MYO16: variants seen among roughly 807,000 people sequenced by gnomAD.
MYO16 encodes the protein myosin XVI, also known as unconventional myosin-XVI.
A neutral mutation model predicts 205.3 loss-of-function variants in MYO16; 94 were observed. The observed-to-expected ratio is 0.46, with a 90% CI of 0.39 to 0.54. The LOEUF is 0.54. Among genes scored for constraint, MYO16 ranks in the 20% least tolerant of loss-of-function variants. The probability of loss-of-function intolerance (pLI) is 0.00; values close to 1 mark genes in which losing one functional copy is unlikely to be tolerated. For missense variants in MYO16, 2,315 were observed against 2,387.5 expected (o/e 0.97, Z 0.63); for synonymous variants, 988 against 954.0 (o/e 1.04, Z -0.66).
At chr13:108,677,779 T>C (rs933439323) in intron 2 of MYO16, among the ~76,000 whole-genome samples, 1 of 152,148 alleles carries the variant, frequency 6.6e-6, no homozygotes, top group East Asian at 1.9e-4. Context: ...CACCATCAAG[T>C]TTTGATTAAA....
chr13:109,115,814 A>G (rs1262649875), intron 28 of MYO16, among the ~76,000 whole-genome samples: 1 of 152,224 alleles, frequency 6.6e-6, no homozygotes, highest in Non-Finnish European at 1.5e-5. Flanking sequence ...TTAAATTTGT[A>G]TCTTCATTAA....
chr13:108,701,928 A>G (rs1014267941), intron 2 of MYO16, among the ~76,000 whole-genome samples: 3 of 152,214 alleles, frequency 2.0e-5, no homozygotes, highest in South Asian at 2.1e-4. Context: ...TTAAATATAC[A>G]TTAGCAGAAA....
chr13:108,721,343 A>G (rs1884154463), intron 3 of MYO16, among the ~76,000 whole-genome samples: 1 of 152,192 alleles, frequency 6.6e-6, no homozygotes, highest in Non-Finnish European at 1.5e-5. Flanking sequence ...GCCAGAATTT[A>G]ATATTTCAGA....
At chr13:108,667,445 T>A (rs1399174921) in intron 2 of MYO16, among the ~76,000 whole-genome samples, 1 of 151,978 alleles carries the variant, frequency 6.6e-6, no homozygotes, top group Non-Finnish European at 1.5e-5. Context: ...ATTCAGCCAT[T>A]GTATCATATT....
At chr13:108,814,655 C>T (rs1887394327) in intron 7 of MYO16, among the ~76,000 whole-genome samples, 2 of 152,274 alleles carry the variant, frequency 1.3e-5, no homozygotes, top group Admixed American at 1.3e-4. Flanking sequence ...CCTGCTATAA[C>T]ATGAATAAGT....
At chr13:109,033,790 G>A (rs1886621651) in intron 23 of MYO16, among the ~76,000 whole-genome samples, 1 of 152,170 alleles carries the variant, frequency 6.6e-6, no homozygotes, top group African/African-American at 2.4e-5. Context: ...AGGGCAGGAG[G>A]TGGAAGCCAC....
At chr13:109,015,759 A>T (rs563699205) in intron 22 of MYO16, among the ~76,000 whole-genome samples, 11 of 152,232 alleles carry the variant, frequency 7.2e-5, no homozygotes, top group African/African-American at 2.6e-4. Flanking sequence ...AGAGTTGTTT[A>T]TAGTATTCTC....
At chr13:108,788,896 T>C (rs1043915796) in intron 5 of MYO16, among the ~76,000 whole-genome samples, 1 of 152,218 alleles carries the variant, frequency 6.6e-6, no homozygotes, top group Non-Finnish European at 1.5e-5. Context: ...TACTTAGGTT[T>C]CCTTCGAATG....
At chr13:108,855,276 G>GTTTTTTTTTTTTTTTTTTTTTT (rs5806761) in intron 10 of MYO16, 167 bp from the exon 11 acceptor site, 1 of 310,988 alleles carries the variant, frequency 3.2e-6, no homozygotes. Context: ...TGGCTTTAGA[G>GTTTTTTTTTTTTTTTTTTTTTT]TTTTTTTTTT....
At chr13:108,789,005 C>A (rs1886538523) in intron 5 of MYO16, among the ~76,000 whole-genome samples, 1 of 152,142 alleles carries the variant, frequency 6.6e-6, no homozygotes, top group African/African-American at 2.4e-5. Context: ...GGTTGTCTCA[C>A]CCTTTTGCTT....
intron 16 of MYO16, among the ~76,000 whole-genome samples, chr13:108,945,140 C>T (rs114537231): frequency 0.033 from 5,016 of 152,208 alleles, 278 homozygotes; most frequent in African/African-American, 0.11. Context: ...TAACTTACTT[C>T]GATTTCTCAC....
chr13:109,192,803 A>G (rs374635724), intron 34 of MYO16, among the ~76,000 whole-genome samples: 2 of 152,224 alleles, frequency 1.3e-5, no homozygotes, highest in African/African-American at 4.8e-5. Flanking sequence ...TGAGCAAGAA[A>G]TATCCTTCTT....
intron 34 of MYO16, among the ~76,000 whole-genome samples, chr13:109,189,122 A>C (rs1048709164): frequency 3.9e-5 from 6 of 151,990 alleles, no homozygotes; most frequent in African/African-American, 1.4e-4. Context: ...AAAGAAGGAC[A>C]CATCCAGCAT....
At chr13:108,566,739 A>G in the MYO16 span, among the ~76,000 whole-genome samples, 228 of 7,790 alleles carry the variant, frequency 0.029, no homozygotes, top group African/African-American at 0.083. Flanking sequence ...GGAAGGGAGG[A>G]AGGAAGGAAG....
chr13:108,950,846 G>A (rs1209820648), intron 16 of MYO16, among the ~76,000 whole-genome samples: 1 of 152,178 alleles, frequency 6.6e-6, no homozygotes, highest in East Asian at 1.9e-4. Context: ...GTTAACACTG[G>A]AATACTGCTC....
intron 23 of MYO16, among the ~76,000 whole-genome samples, chr13:109,030,186 G>A (rs760348224): frequency 5.5e-5 from 8 of 146,412 alleles, no homozygotes; most frequent in African/African-American, 7.6e-5. Flanking sequence ...AAAAACTAGC[G>A]GATAGAATCA....
chr13:109,168,218 CTTTA>C (rs1051889206), intron 33 of MYO16, among the ~76,000 whole-genome samples: 3 of 151,878 alleles, frequency 2.0e-5, no homozygotes, highest in African/African-American at 4.8e-5. Flanking sequence ...TGAAAATAAA[CTTTA>C]TTTAATTATA....
At chr13:108,842,347 T>C (rs1192986640) in intron 9 of MYO16, among the ~76,000 whole-genome samples, 2 of 152,154 alleles carry the variant, frequency 1.3e-5, no homozygotes, top group African/African-American at 4.8e-5. Flanking sequence ...TATGTGCATA[T>C]GTATGTGCAA....
intron 2 of MYO16, among the ~76,000 whole-genome samples, chr13:108,704,803 C>A (rs951986306): frequency 6.6e-6 from 1 of 150,972 alleles, no homozygotes; most frequent in African/African-American, 2.4e-5. Flanking sequence ...ATATCCAATG[C>A]CAATAAAAGG....
Sources: allele counts gnomAD v4.1 joint callset (sites outside exome capture counted in the v4.1 genomes callset), GRCh38; gene constraint gnomAD v4.1.1; transcripts MANE v1.5; gene names NCBI Gene and HGNC (gene_info 2026-07-23, HGNC 2026-07-21).